Variants in MAML3 observed in about 807,000 individuals in gnomAD.
The protein encoded by MAML3 is mastermind-like protein 3.
Under a neutral mutation model 101.9 loss-of-function variants are expected in MAML3, and 27 were observed. The observed-to-expected ratio is 0.27, with a 90% confidence interval of 0.20 to 0.37. The LOEUF (loss-of-function observed/expected upper bound fraction) is 0.37. MAML3 is among the 10% of genes least tolerant of loss of function. MAML3 has a pLI of 1.00. For missense variants in MAML3, 1,316 were observed against 1,444.9 expected, an observed-to-expected ratio of 0.91 and a Z score of 1.45; for synonymous variants, 501 against 555.9, an observed-to-expected ratio of 0.90 and a Z score of 1.39.
At chr4:140,104,420 AATATACACGAATGTGTATATAC>A (rs1728315510) in intron 1 of MAML3, among the ~76,000 whole-genome samples, 1 of 36,530 alleles carries the variant, frequency 2.7e-5, no homozygotes, top group African/African-American at 6.7e-5. Context: ...TATAATATAT[AATATACACGAATGTGTATATAC>A]ATATATAAAT....
intron 1 of MAML3, among the ~76,000 whole-genome samples, chr4:139,987,030 C>T (rs1043614760): frequency 4.6e-5 from 7 of 152,250 alleles, no homozygotes; most frequent in Middle Eastern, 3.4e-3. Flanking sequence ...TGAGGGCTGC[C>T]GACCTGCCAC....
chr4:139,783,768 C>T (rs1175105414), intron 2 of MAML3, among the ~76,000 whole-genome samples: 3 of 152,184 alleles, frequency 2.0e-5, no homozygotes, highest in Non-Finnish European at 4.4e-5. Flanking sequence ...CCACTGCCAC[C>T]GAGCAGTCAG....
intron 2 of MAML3, among the ~76,000 whole-genome samples, chr4:139,807,195 C>A (rs1435887483): frequency 1.3e-5 from 2 of 152,132 alleles, no homozygotes; most frequent in Non-Finnish European, 2.9e-5. Flanking sequence ...ACTTTGGTTT[C>A]TTCAGCTTAA....
chr4:139,756,133 G>C (rs773058305), intron 2 of MAML3, among the ~76,000 whole-genome samples: 3 of 152,156 alleles, frequency 2.0e-5, no homozygotes, highest in Non-Finnish European at 4.4e-5. Context: ...AGGAGTATAA[G>C]AACAGCAAAG....
intron 2 of MAML3, among the ~76,000 whole-genome samples, chr4:139,748,929 C>T (rs1729413192): frequency 6.6e-6 from 1 of 152,144 alleles, no homozygotes; most frequent in Non-Finnish European, 1.5e-5. Context: ...TGCATGCACA[C>T]CATTTTGACC....
At chr4:139,788,301 T>G (rs1294350234) in intron 2 of MAML3, among the ~76,000 whole-genome samples, 2 of 152,176 alleles carry the variant, frequency 1.3e-5, no homozygotes, top group African/African-American at 4.8e-5. Context: ...CCTTCCGCAC[T>G]CCCTCCCATT....
intron 2 of MAML3, among the ~76,000 whole-genome samples, chr4:139,755,083 G>A (rs947405907): frequency 7.2e-5 from 11 of 152,218 alleles, no homozygotes; most frequent in African/African-American, 1.9e-4. Context: ...GCAAGGCCCC[G>A]TGTATCAGAG....
intron 2 of MAML3, among the ~76,000 whole-genome samples, chr4:139,781,048 A>G (rs1457483374): frequency 1.3e-5 from 2 of 152,182 alleles, no homozygotes; most frequent in African/African-American, 2.4e-5. Context: ...TCACATCCCT[A>G]TGCCCAACTA....
chr4:140,107,537 C>G (rs1728372582), intron 1 of MAML3, among the ~76,000 whole-genome samples: 1 of 149,104 alleles, frequency 6.7e-6, no homozygotes, highest in South Asian at 2.1e-4. Flanking sequence ...CAGACTCTCG[C>G]TCTGTCACCC....
intron 1 of MAML3, among the ~76,000 whole-genome samples, chr4:140,147,898 G>A (rs1196025994): frequency 9.1e-6 from 1 of 109,628 alleles, no homozygotes; most frequent in East Asian, 3.3e-4. Flanking sequence ...ACACCAGGGT[G>A]AGTGAGTGAA....
At chr4:139,933,302 G>T (rs1422334006) in intron 1 of MAML3, among the ~76,000 whole-genome samples, 1 of 152,106 alleles carries the variant, frequency 6.6e-6, no homozygotes, top group East Asian at 1.9e-4. Context: ...CCTACTCAGG[G>T]CCCGCCCATG....
chr4:139,954,566 G>A (rs1733884883), intron 1 of MAML3, among the ~76,000 whole-genome samples: 2 of 152,204 alleles, frequency 1.3e-5, no homozygotes, highest in South Asian at 2.1e-4. Flanking sequence ...ATTAAGGTGA[G>A]TCCAGAGGCT....
chr4:139,875,156 C>T (rs1328771454), intron 2 of MAML3, among the ~76,000 whole-genome samples: 2 of 152,014 alleles, frequency 1.3e-5, no homozygotes, highest in African/African-American at 2.4e-5. Flanking sequence ...TTATATAACC[C>T]GCCCAAGGTC....
At chr4:139,830,408 C>CT (rs1560807162) in intron 2 of MAML3, among the ~76,000 whole-genome samples, 79 of 143,582 alleles carry the variant, frequency 5.5e-4, no homozygotes, top group African/African-American at 2.1e-3. Flanking sequence ...GCACGCTGTG[C>CT]TATTTTTTTT....
intron 2 of MAML3, chr4:139,888,588 G>T (rs543657618): frequency 3.9e-6 from 2 of 519,022 alleles, no homozygotes; most frequent in Non-Finnish European, 7.7e-6. Context: ...TTCACTTCCC[G>T]ACTGGTTGCT....
At chr4:140,049,795 TTTAC>T (rs1727238898) in intron 1 of MAML3, among the ~76,000 whole-genome samples, 1 of 152,196 alleles carries the variant, frequency 6.6e-6, no homozygotes, top group South Asian at 2.1e-4. Flanking sequence ...TTTACTCGGT[TTTAC>T]TTTGTTTTCA....
chr4:139,808,951 T>C (rs1293804088), intron 2 of MAML3, among the ~76,000 whole-genome samples: 1 of 152,134 alleles, frequency 6.6e-6, no homozygotes, highest in Non-Finnish European at 1.5e-5. Context: ...TGCATGTGTG[T>C]GTGTGTTTAT....
chr4:139,993,863 A>G (rs1734751637), intron 1 of MAML3, among the ~76,000 whole-genome samples: 1 of 152,172 alleles, frequency 6.6e-6, no homozygotes, highest in African/African-American at 2.4e-5. Context: ...ATAAAGTCCA[A>G]CTTACCGATT....
intron 1 of MAML3, among the ~76,000 whole-genome samples, chr4:140,021,205 C>T (rs1215172553): frequency 6.6e-6 from 1 of 152,194 alleles, no homozygotes; most frequent in Non-Finnish European, 1.5e-5. Context: ...TGGAGTTACA[C>T]TTGCAAGCTC....
Sources: allele counts gnomAD v4.1 joint callset (sites outside exome capture counted in the v4.1 genomes callset), GRCh38; gene constraint gnomAD v4.1.1; transcripts MANE v1.5; gene names NCBI Gene and HGNC (gene_info 2026-07-23, HGNC 2026-07-21).